The following COQ6 variants were observed in gnomAD, a reference collection of about 807,000 sequenced individuals.
COQ6 encodes coenzyme Q6, monooxygenase, also known as ubiquinone biosynthesis monooxygenase COQ6, mitochondrial.
COQ6 carries 45 observed loss-of-function variants against 55.5 expected under a neutral mutation model. That is an observed-to-expected ratio of 0.81 (90% confidence interval 0.64 to 1.04). The LOEUF (loss-of-function observed/expected upper bound fraction) is 1.04. Ranked by LOEUF, COQ6 falls within the 50% of genes least tolerant of loss-of-function variation. The pLI, the probability that COQ6 is intolerant of heterozygous loss-of-function variation, is 0.00. For missense variants in COQ6, 550 were observed against 601.3 expected, an observed-to-expected ratio of 0.91 and a Z score of 0.89; for synonymous variants, 206 against 230.5, an observed-to-expected ratio of 0.89 and a Z score of 0.96.
At position 73,958,593 on chromosome 14, in the gene COQ6, T is replaced by C. The variant is rs1214533515; in HGVS notation, c.612+316T>C. ...GTGGTCATTGATCTCTTGCCTCTCATTTTTCTCCTTTCTGCTCACAAGCTT... is the reference window on the plus strand; with the variant it reads ...GTGGTCATTGATCTCTTGCCTCTCACTTTTCTCCTTTCTGCTCACAAGCTT... On this transcript the variant is annotated intron_variant, in intron 5 of 11. Coordinates refer to ENST00000334571, the MANE Select transcript of COQ6 (RefSeq NM_182476.3). The C allele has an allele frequency of 5.4e-6, 7 of 1,285,966 alleles. No homozygotes were observed. The Admixed American group carries it at 2.3e-4, about 43-fold the overall frequency. The allele number at this position is 1,285,966 out of a possible 1,614,324, so 79.7% of individuals were successfully genotyped here.
chr14:73,957,750 T>C (rs2056511155), intron 4 of COQ6, among the ~76,000 whole-genome samples: 1 of 152,198 alleles, frequency 6.6e-6, no homozygotes, highest in Non-Finnish European at 1.5e-5. Flanking sequence ...ATTGTTTTTA[T>C]GACCAGAAAA....
chr14:73,953,740 T>C, intron 2 of COQ6, 171 bp downstream of exon 2: 1 of 794,492 alleles, frequency 1.3e-6, no homozygotes. Context: ...TGTGGACCCC[T>C]GCAGTTGCTA....
chr14:73,952,866 C>T (rs1265511788), intron 1 of COQ6, among the ~76,000 whole-genome samples: 11 of 151,620 alleles, frequency 7.3e-5, no homozygotes, highest in Admixed American at 1.3e-4. Flanking sequence ...TTAGTAGAGA[C>T]GGGTTTCACC....
rs376432164 is a variant in COQ6 at position 73,959,079 on chromosome 14, G to T, written c.720+1G>T. 49 of 1,614,064 alleles carry T rather than the reference G, an allele frequency of 3.0e-5. No individual in the cohort carries two copies. The highest frequency in any genetic ancestry group is 4.2e-5 in the Non-Finnish European group (49 of 1,180,040). ...TGTGGCTACTCTGCATTTATCAGAG[G>T]TAAGATCCTGAGCTGCCATCTGGGG... is the stretch of plus-strand genomic sequence containing the variant. On this transcript the variant is annotated splice_donor_variant, in intron 6 of 11. Coordinates refer to ENST00000334571, the MANE Select transcript of COQ6 (RefSeq NM_182476.3). LOFTEE classifies it high-confidence loss of function.
intron 1 of COQ6, among the ~76,000 whole-genome samples, chr14:73,951,582 T>A (rs1051351004): frequency 6.6e-6 from 1 of 151,246 alleles, no homozygotes; most frequent in Admixed American, 6.6e-5. Context: ...TGCCCCTTCC[T>A]CCCAAAGTGC....
rs1227844946 is a variant in COQ6 at position 73,958,139 on chromosome 14, C to A, written c.482-8C>A. 1 of 1,613,332 alleles carries A rather than the reference C, an allele frequency of 6.2e-7. No homozygotes were observed. The highest frequency in any genetic ancestry group is 8.5e-7 in the Non-Finnish European group (1 of 1,179,558). On this transcript the variant is annotated splice_region_variant and splice_polypyrimidine_tract_variant and intron_variant, in intron 4 of 11. Coordinates refer to ENST00000334571, the MANE Select transcript of COQ6 (RefSeq NM_182476.3). ...CTAATTTTTTTTCCTCTCTTTTGACCTCCCCAGACCGAGTGACGGTTCTCT... is the reference window on the plus strand; with the variant it reads ...CTAATTTTTTTTCCTCTCTTTTGACATCCCCAGACCGAGTGACGGTTCTCT...
chr14:73,956,099 C>T lies in COQ6; in HGVS notation c.481+171C>T, dbSNP rs188395141. On this transcript the variant is annotated intron_variant, in intron 4 of 11. Transcript: ENST00000334571. ...CAGCACTTTTGGAGGCTAAGGCGGG[C>T]GGATCACGAGGTCAGGAGATGGAGA... 26,005 of 810,478 alleles carry T rather than the reference C, an allele frequency of 0.032. 562 individuals carry two copies. The highest frequency in any genetic ancestry group is 0.083 in the Middle Eastern group (223 of 2,676). The allele number at this position is 810,478 out of a possible 1,614,324, so 50.2% of individuals were successfully genotyped here. A position where few individuals can be genotyped will look rare whatever the true frequency, so the allele number is the denominator to read the frequency against.
At chr14:73,949,999 G>A (rs1178904463), upstream of COQ6, 2 of 1,613,280 alleles carry the variant, frequency 1.2e-6, no homozygotes, top group South Asian at 2.2e-5. Flanking sequence ...GCGCCTCCGG[G>A]GGCTCCCTCA....
rs542245904 is a variant in COQ6 at position 73,958,165 on chromosome 14, A to G, written c.500A>G (p.Tyr167Cys). ...TCCCCAGACCGAGTGACGGTTCTCT[A>G]CAGGAGCAAAGCCATTCGCTATACC... The part of the protein sequence containing the change: ...EAVSDRVTVL[Y>C]RSKAIRYTWP... Residue 167 changes from tyrosine (Y) to cysteine (C), a missense_variant, in exon 5 of 12, where the codon TAC becomes TGC. Physicochemically the swap from Tyr to Cys is radical, Grantham distance 194. Transcript: ENST00000334571. 2 of 1,613,980 alleles carry G rather than the reference A, an allele frequency of 1.2e-6. No homozygotes were observed. The highest frequency in any genetic ancestry group is 1.3e-5 in the African/African-American group (1 of 74,988).
intron 1 of COQ6, among the ~76,000 whole-genome samples, chr14:73,952,047 T>TG (rs2056220434): frequency 6.8e-6 from 1 of 147,524 alleles, no homozygotes; most frequent in African/African-American, 2.5e-5. Flanking sequence ...AGCATGTCCC[T>TG]GTGCCCCATC....
Position 73,959,073 on chromosome 14 carries a change from T to G in COQ6, c.715T>G (p.Ser239Ala), listed in dbSNP as rs1336648270. 6.2e-7 allele frequency: 1 copy of G among 1,614,226 alleles called. No individual in the cohort carries two copies. The highest frequency in any genetic ancestry group is 1.7e-5 in the Admixed American group (1 of 60,028). Residue 239 changes from serine to alanine, a missense_variant, in exon 6 of 12, where the codon TCA becomes GCA. By Grantham distance (99) the Ser-to-Ala change is moderately conservative. Transcript: ENST00000334571. ...TGCTGTTGTGGCTACTCTGCATTTA[T>G]CAGAGGTAAGATCCTGAGCTGCCAT... ...QSAVVATLHLSEATENNVAWQ... is the reference protein window; with the variant it reads ...QSAVVATLHLAEATENNVAWQ...
Position 73,950,506 on chromosome 14 carries a change from C to T in COQ6, c.163+11C>T, listed in dbSNP as rs60369619. The stretch of plus-strand genomic sequence containing the variant: ...TGGCCTGTGCCTTGGGTAAGCCCTT[C>T]TCCAGGCTACTAGTGGCCGGAAACC... On this transcript the variant is annotated intron_variant, in intron 1 of 11. Coordinates refer to ENST00000334571, the MANE Select transcript of COQ6 (RefSeq NM_182476.3). 2,833 of 1,597,762 alleles carry T rather than the reference C, an allele frequency of 1.8e-3. 33 individuals are homozygous for T. In the African/African-American group the frequency reaches 0.033, roughly 18 times the overall value.
chr14:73,955,341 G>C (rs1478494626), intron 2 of COQ6, 110 bp from the exon 3 acceptor site: 1 of 810,668 alleles, frequency 1.2e-6, no homozygotes, highest in East Asian at 2.4e-5. Flanking sequence ...GAAGTGGAGA[G>C]TATTATTGAA....
chr14:73,961,183 C>G lies in COQ6; in HGVS notation c.902C>G (p.Ala301Gly). The change falls in exon 9 of 12, where the codon GCT becomes GGT. Residue 301 changes from alanine to glycine, a missense_variant. Ala to Gly is a moderately conservative substitution (Grantham distance 60). Coordinates refer to ENST00000334571, the MANE Select transcript of COQ6 (RefSeq NM_182476.3). ...GCTGATGCTGCTCAGTGGAGTGATG[C>G]TGACCACACGGACTTCATCGACACA... Reference protein sequence around the residue: ...DAVNSAFWSDADHTDFIDTAG... With the variant: ...DAVNSAFWSDGDHTDFIDTAG... The G allele has an allele frequency of 6.2e-7, 1 of 1,613,640 alleles. No individual in the cohort carries two copies. Among genetic ancestry groups the G allele is most frequent in the Non-Finnish European group, 8.5e-7 (1 of 1,179,862 alleles).
upstream of COQ6, chr14:73,950,086 G>A (rs1271645161): frequency 3.1e-6 from 5 of 1,605,766 alleles, no homozygotes; most frequent in South Asian, 5.5e-5. Context: ...CGGTGGCAGC[G>A]AGAGCTATGC....
At chr14:73,955,279 C>G in intron 2 of COQ6, 172 bp from the exon 3 acceptor site, 1 of 679,820 alleles carries the variant, frequency 1.5e-6, no homozygotes, top group Non-Finnish European at 2.7e-6. Flanking sequence ...TCATGCTATA[C>G]AACCTGGAAC....
At chr14:73,958,468 C>A in intron 5 of COQ6, 191 bp downstream of exon 5, 1 of 1,444,996 alleles carries the variant, frequency 6.9e-7, no homozygotes. Flanking sequence ...GGAGCAATCT[C>A]ATGGGCCGTC....
chr14:73,953,109 G>A (rs868646106), intron 1 of COQ6, among the ~76,000 whole-genome samples: 1 of 152,144 alleles, frequency 6.6e-6, no homozygotes, highest in African/African-American at 2.4e-5. Flanking sequence ...AAAAGAACTG[G>A]TGTTTAAATA....
chr14:73,962,852 T>G, intron 11 of COQ6, 118 bp from the exon 12 acceptor site: 2 of 890,146 alleles, frequency 2.2e-6, no homozygotes, highest in Non-Finnish European at 3.6e-6. Flanking sequence ...TTTTTCTTTT[T>G]TTAGCTGAAA....
Sources: allele counts gnomAD v4.1 joint callset (sites outside exome capture counted in the v4.1 genomes callset), GRCh38; gene constraint gnomAD v4.1.1; transcripts MANE v1.5; gene names NCBI Gene and HGNC (gene_info 2026-07-23, HGNC 2026-07-21).